The following VCF1 variants were observed in gnomAD, a reference collection of about 807,000 sequenced individuals.
The protein encoded by VCF1 is protein VCF1.
chr17:73,232,340 T>C, the VCF1 span: 1 of 1,532,444 alleles, frequency 6.5e-7, no homozygotes, highest in Non-Finnish European at 8.8e-7. Context: ...CTCTCGCGGC[T>C]GCGCAGTGGC....
chr17:73,209,336 G>A, the VCF1 span: 1 of 729,426 alleles, frequency 1.4e-6, no homozygotes, highest in Non-Finnish European at 2.2e-6. Flanking sequence ...TTGCTTCAAA[G>A]CCCCTTTGAA....
chr17:73,223,875 G>A, the VCF1 span, among the ~76,000 whole-genome samples: 2 of 151,924 alleles, frequency 1.3e-5, no homozygotes, highest in Admixed American at 6.6e-5. Flanking sequence ...CAGCACCTCA[G>A]GAGGCTGAAG....
the VCF1 span, chr17:73,209,406 T>C: frequency 8.0e-7 from 1 of 1,243,728 alleles, no homozygotes; most frequent in Non-Finnish European, 1.1e-6. Context: ...TTATTTCAAA[T>C]ATAGACTGAA....
the VCF1 span, chr17:73,208,344 G>C: frequency 1.9e-6 from 3 of 1,613,970 alleles, no homozygotes; most frequent in Non-Finnish European, 2.5e-6. Context: ...CACAGCTGGT[G>C]ACCCGACAGT....
the VCF1 span, among the ~76,000 whole-genome samples, chr17:73,225,068 G>C: frequency 2.6e-5 from 4 of 152,352 alleles, no homozygotes; most frequent in East Asian, 7.7e-4. Context: ...TCTGGTCAAT[G>C]TTCAGTAAGC....
At chr17:73,217,537 C>G in the VCF1 span, among the ~76,000 whole-genome samples, 3 of 152,052 alleles carry the variant, frequency 2.0e-5, no homozygotes, top group Admixed American at 2.0e-4. Context: ...GCAGTCCCAG[C>G]TACTCGGGAG....
the VCF1 span, among the ~76,000 whole-genome samples, chr17:73,217,799 C>T: frequency 3.3e-5 from 5 of 152,020 alleles, no homozygotes; most frequent in Admixed American, 3.3e-4. Context: ...TGGTGAAAAC[C>T]TGTCTCTACT....
the VCF1 span, among the ~76,000 whole-genome samples, chr17:73,210,451 G>A: frequency 1.3e-5 from 2 of 150,964 alleles, no homozygotes; most frequent in East Asian, 3.9e-4. Flanking sequence ...GAGGCTACTC[G>A]GAGATCCCTG....
At chr17:73,231,997 C>G in the VCF1 span, 1 of 1,420,072 alleles carries the variant, frequency 7.0e-7, no homozygotes, top group Admixed American at 2.3e-5. Context: ...CGGGTCCACT[C>G]TTGCTCCGAC....
the VCF1 span, chr17:73,227,129 A>G: frequency 1.4e-6 from 2 of 1,399,856 alleles, no homozygotes; most frequent in Non-Finnish European, 2.0e-6. Flanking sequence ...TAACTCAAGC[A>G]GTGAAAACAA....
the VCF1 span, among the ~76,000 whole-genome samples, chr17:73,211,115 G>A: frequency 6.6e-6 from 1 of 152,114 alleles, no homozygotes; most frequent in Non-Finnish European, 1.5e-5. Flanking sequence ...AAAGACATTG[G>A]TTCTGAAATG....
chr17:73,215,936 G>C, the VCF1 span, among the ~76,000 whole-genome samples: 1 of 152,236 alleles, frequency 6.6e-6, no homozygotes, highest in East Asian at 1.9e-4. Flanking sequence ...GGGAACAAGA[G>C]CAAACTCAGA....
At chr17:73,215,614 C>T in the VCF1 span, among the ~76,000 whole-genome samples, 844 of 152,324 alleles carry the variant, frequency 5.5e-3, 7 homozygotes, top group African/African-American at 0.019. Context: ...GGCCCCACCT[C>T]AGCACCATGC....
At chr17:73,224,995 G>GCACAGC in the VCF1 span, among the ~76,000 whole-genome samples, 461 of 59,282 alleles carry the variant, frequency 7.8e-3, 3 homozygotes, top group Middle Eastern at 0.034. Context: ...CACAGCACAG[G>GCACAGC]ACAGGACAGG....
chr17:73,232,195 C>T, the VCF1 span: 1 of 1,609,818 alleles, frequency 6.2e-7, no homozygotes, highest in African/African-American at 1.3e-5. Context: ...CCACGCCCAC[C>T]CCCTCGGGCC....
the VCF1 span, among the ~76,000 whole-genome samples, chr17:73,225,575 T>C: frequency 1.3e-5 from 2 of 151,872 alleles, no homozygotes; most frequent in Non-Finnish European, 2.9e-5. Flanking sequence ...TACCATACCC[T>C]TGACTGAAAT....
the VCF1 span, among the ~76,000 whole-genome samples, chr17:73,219,181 A>G: frequency 2.1e-5 from 3 of 141,234 alleles, no homozygotes; most frequent in East Asian, 2.1e-4. Flanking sequence ...ACAAGAGAAA[A>G]ACTCCGTCTC....
chr17:73,215,058 C>T, the VCF1 span, among the ~76,000 whole-genome samples: 1 of 152,188 alleles, frequency 6.6e-6, no homozygotes, highest in Non-Finnish European at 1.5e-5. Flanking sequence ...AATAAAAACC[C>T]CTTGCAGGTC....
chr17:73,213,474 T>C, the VCF1 span, among the ~76,000 whole-genome samples: 1 of 152,214 alleles, frequency 6.6e-6, no homozygotes, highest in African/African-American at 2.4e-5. Flanking sequence ...GTATATATAG[T>C]ATATCAGTTG....
Sources: allele counts gnomAD v4.1 joint callset (sites outside exome capture counted in the v4.1 genomes callset), GRCh38; gene constraint gnomAD v4.1.1; transcripts MANE v1.5; gene names NCBI Gene and HGNC (gene_info 2026-07-23, HGNC 2026-07-21).